VIT: variants seen among roughly 807,000 people sequenced by gnomAD.
VIT encodes the protein vitrin.
In VIT, 99 loss-of-function variants were observed where a neutral mutation model predicts 78.0. That is an observed-to-expected ratio of 1.27 (90% CI 1.08 to 1.50). The LOEUF is 1.50. Ranked by LOEUF, VIT falls within the 40% of genes most tolerant of loss-of-function variation. VIT has a pLI of 0.00. For missense variants in VIT, 1,126 were observed against 875.3 expected (o/e 1.29, Z -3.61); for synonymous variants, 374 against 334.3 (o/e 1.12, Z -1.29).
rs766225229 is a variant in VIT, at chr2:36,808,627, C to T, written c.1545C>T (p.Ile515=). 2.7e-5 allele frequency: 44 copies of T among 1,614,106 alleles called. No homozygotes were observed. Among genetic ancestry groups the T allele is most frequent in the Admixed American group, 2.0e-4 (12 of 60,004 alleles). The change falls in exon 15 of 16, where the codon ATC becomes ATT. Residue 515 remains isoleucine (I), a synonymous_variant. Transcript: ENST00000379242. ...CLNSADIGFV[I]DGSSSVGTGN... ...ACTCGGCTGACATTGGCTTCGTCAT[C>T]GACGGCTCCAGCAGTGTGGGGACGG...
intron 7 of VIT, among the ~76,000 whole-genome samples, chr2:36,768,779 G>A (rs964440887): frequency 1.4e-4 from 21 of 152,310 alleles, no homozygotes; most frequent in African/African-American, 5.1e-4. Flanking sequence ...AAGGTGCTCA[G>A]CACAGCCAAC....
At chr2:36,784,031 T>A (rs1664934775) in intron 11 of VIT, among the ~76,000 whole-genome samples, 1 of 152,078 alleles carries the variant, frequency 6.6e-6, no homozygotes, top group Non-Finnish European at 1.5e-5. Flanking sequence ...AAACCGAGGC[T>A]ATGAGAACAG....
At chr2:36,712,700 G>A (rs944096370) in intron 1 of VIT, among the ~76,000 whole-genome samples, 2 of 152,142 alleles carry the variant, frequency 1.3e-5, no homozygotes, top group African/African-American at 2.4e-5. Flanking sequence ...GCCAGGTATG[G>A]TGGCAGGCGC....
chr2:36,774,520 C>A, intron 8 of VIT: 1 of 985,432 alleles, frequency 1.0e-6, no homozygotes, highest in Non-Finnish European at 1.2e-6. Context: ...ACACTAGGAT[C>A]AGAAGCAGGT....
chr2:36,786,909 T>C (rs1483299228), intron 11 of VIT, among the ~76,000 whole-genome samples: 2 of 152,206 alleles, frequency 1.3e-5, no homozygotes, highest in Non-Finnish European at 2.9e-5. Context: ...CATAGAGTTT[T>C]AAACAGTTAT....
intron 7 of VIT, among the ~76,000 whole-genome samples, chr2:36,773,202 A>G (rs1669857193): frequency 6.6e-6 from 1 of 152,268 alleles, no homozygotes; most frequent in Non-Finnish European, 1.5e-5. Flanking sequence ...AATTATTGTA[A>G]GAATAATGAA....
intron 15 of VIT, among the ~76,000 whole-genome samples, chr2:36,811,671 T>C (rs79459457): frequency 1.4e-5 from 2 of 144,396 alleles, no homozygotes; most frequent in Non-Finnish European, 3.1e-5. Flanking sequence ...TCTTTCTTTC[T>C]TTTTTTTTTT....
intron 15 of VIT, among the ~76,000 whole-genome samples, chr2:36,811,832 C>T (rs999421344): frequency 6.6e-6 from 1 of 151,974 alleles, no homozygotes; most frequent in African/African-American, 2.4e-5. Context: ...GCCACCACAC[C>T]CAGCTAATTT....
chr2:36,703,947 T>TGGAGAC, intron 1 of VIT, among the ~76,000 whole-genome samples: 5 of 132,884 alleles, frequency 3.8e-5, no homozygotes, highest in Non-Finnish European at 6.4e-5. Context: ...TTTTTTTTTT[T>TGGAGAC]TGGAGACTCA....
At chr2:36,725,174 C>T (rs992886825) in intron 2 of VIT, among the ~76,000 whole-genome samples, 1 of 152,228 alleles carries the variant, frequency 6.6e-6, no homozygotes, top group Non-Finnish European at 1.5e-5. Context: ...GGATATGGTA[C>T]GTCAATTACT....
At chr2:36,768,204 A>T (rs6725491) in intron 7 of VIT, among the ~76,000 whole-genome samples, 2,988 of 152,180 alleles carry the variant, frequency 0.02, 116 homozygotes, top group African/African-American at 0.066. Context: ...GGCCGAGGCA[A>T]GCAGATCACT....
intron 13 of VIT, among the ~76,000 whole-genome samples, chr2:36,803,083 G>C (rs1322144689): frequency 6.6e-6 from 1 of 152,128 alleles, no homozygotes; most frequent in Non-Finnish European, 1.5e-5. Flanking sequence ...GCTTCTTCTA[G>C]AGCTGCCAGC....
At chr2:36,791,613 C>T (rs548504178) in intron 12 of VIT, among the ~76,000 whole-genome samples, 93 of 152,028 alleles carry the variant, frequency 6.1e-4, no homozygotes, top group Admixed American at 1.4e-3. Context: ...GGAGGTGTGA[C>T]GATGGAAGCA....
At chr2:36,720,340 A>G (rs1432846082) in intron 2 of VIT, among the ~76,000 whole-genome samples, 2 of 152,202 alleles carry the variant, frequency 1.3e-5, no homozygotes, top group Non-Finnish European at 2.9e-5. Flanking sequence ...AAACCCACAC[A>G]TTTATAGTTA....
rs1442158086 is a variant in VIT, at chr2:36,754,905, T to C, written c.276-16T>C. ...ATTTCTGTTCTTTCCTGAAAAATTA[T>C]TTTTTCTCTTCATAGTGGTGTGCTT... On this transcript the variant is annotated splice_polypyrimidine_tract_variant and intron_variant, in intron 4 of 15. Transcript: ENST00000379242. 17 of 1,600,756 alleles carry C rather than the reference T, an allele frequency of 1.1e-5. No individual in the cohort carries two copies. The highest frequency in any genetic ancestry group is 1.4e-5 in the Non-Finnish European group (17 of 1,175,568).
At chr2:36,810,401 A>G (rs1039498139) in intron 15 of VIT, among the ~76,000 whole-genome samples, 1 of 152,258 alleles carries the variant, frequency 6.6e-6, no homozygotes, top group Admixed American at 6.5e-5. Context: ...TGTTTAGAAA[A>G]TCAGCCACGT....
chr2:36,790,313 C>T (rs13427011), intron 12 of VIT, among the ~76,000 whole-genome samples: 7,981 of 152,192 alleles, frequency 0.052, 223 homozygotes, highest in Middle Eastern at 0.058. Context: ...TGCATCTCTA[C>T]ACCTCTCTGC....
intron 2 of VIT, among the ~76,000 whole-genome samples, chr2:36,718,043 G>A (rs116130538): frequency 0.029 from 4,482 of 152,176 alleles, 96 homozygotes; most frequent in Non-Finnish European, 0.041. Context: ...CTGTAGTTGT[G>A]TCTGTCTGCA....
At chr2:36,794,522 G>C (rs1665732402) in intron 12 of VIT, among the ~76,000 whole-genome samples, 1 of 152,164 alleles carries the variant, frequency 6.6e-6, no homozygotes, top group Non-Finnish European at 1.5e-5. Context: ...CCTGAGACCT[G>C]CCACGGACTG....
Sources: allele counts gnomAD v4.1 joint callset (sites outside exome capture counted in the v4.1 genomes callset), GRCh38; gene constraint gnomAD v4.1.1; transcripts MANE v1.5; gene names NCBI Gene and HGNC (gene_info 2026-07-23, HGNC 2026-07-21).